The following WDR70 variants were observed in gnomAD, a reference collection of about 807,000 sequenced individuals.
The protein encoded by WDR70 is WD repeat-containing protein 70.
A neutral mutation model predicts 88.6 loss-of-function variants in WDR70; 53 were observed. The ratio of observed to expected loss-of-function variants is 0.60; its 90% CI spans 0.48 to 0.75. The LOEUF is 0.75. Among genes scored for constraint, WDR70 ranks in the 30% least tolerant of loss-of-function variants. The pLI is 0.00. For missense variants in WDR70, 610 were observed against 823.2 expected, an observed-to-expected ratio of 0.74 and a Z score of 3.17; for synonymous variants, 280 against 270.0, an observed-to-expected ratio of 1.04 and a Z score of -0.36.
intron 7 of WDR70, among the ~76,000 whole-genome samples, chr5:37,474,415 C>T (rs1402232471): frequency 2.6e-5 from 4 of 152,080 alleles, no homozygotes; most frequent in Admixed American, 6.5e-5. Context: ...TTGAAATCTC[C>T]GAGTGTGATT....
chr5:37,564,515 T>C (rs1742674136), intron 9 of WDR70, among the ~76,000 whole-genome samples: 1 of 134,870 alleles, frequency 7.4e-6, no homozygotes, highest in South Asian at 2.4e-4. Context: ...GGGGAGACCG[T>C]GGAAAGAGAG....
rs113200066 is a variant in WDR70 at position 37,726,975 on chromosome 5, C to T, written c.1807C>T (p.Arg603Trp). The T allele has an allele frequency of 1.2e-6, 2 of 1,611,370 alleles. No homozygotes were observed. The highest frequency in any genetic ancestry group is 1.7e-5 in the Admixed American group (1 of 59,602). The change falls in exon 17 of 18, where the codon CGG (arginine) becomes TGG (tryptophan). Residue 603 changes from arginine (R) to tryptophan (W), a missense_variant. By Grantham distance (101) the Arg-to-Trp change is moderately radical (BLOSUM62 -3). Transcript: ENST00000265107. Reference sequence around the variant, plus strand: ...GGACAAGACCGATGACAGTAATCCTCGGGAAGCCATTTTGCGTCATGCCAA... The same window carrying T: ...GGACAAGACCGATGACAGTAATCCTTGGGAAGCCATTTTGCGTCATGCCAA... The part of the protein sequence containing the change: ...ALDKTDDSNP[R>W]EAILRHAKAA...
At position 37,578,105 on chromosome 5, in the gene WDR70, GT is replaced by G. The variant is rs1743111464; in HGVS notation, c.918-26958del. On this transcript the variant is annotated intron_variant, in intron 9 of 17. Transcript: ENST00000265107. ...TGTATTTGGCAGCCAGGCAGTCATT[GT>G]GGTCTCTCTCAGAATATAGTTTCAG... 2.0e-5 allele frequency among the ~76,000 whole-genome samples: 3 copies of G among 152,210 alleles called. No homozygotes were observed. The South Asian group carries it at 6.2e-4, about 32-fold the overall frequency.
At chr5:37,431,173 A>G (rs1256497506) in intron 5 of WDR70, among the ~76,000 whole-genome samples, 1 of 152,080 alleles carries the variant, frequency 6.6e-6, no homozygotes, top group Non-Finnish European at 1.5e-5. Context: ...TAAAGTTCTG[A>G]CTGTCATCGG....
At chr5:37,604,395 T>C (rs1446244617) in intron 9 of WDR70, among the ~76,000 whole-genome samples, 1 of 152,238 alleles carries the variant, frequency 6.6e-6, no homozygotes, top group Non-Finnish European at 1.5e-5. Flanking sequence ...TTTTTCTGTA[T>C]TTTAAGCTTT....
At chr5:37,628,024 A>G (rs1361712400) in intron 10 of WDR70, among the ~76,000 whole-genome samples, 3 of 152,176 alleles carry the variant, frequency 2.0e-5, no homozygotes, top group Non-Finnish European at 4.4e-5. Context: ...TCCTGGGCTC[A>G]AACGATACTC....
intron 10 of WDR70, among the ~76,000 whole-genome samples, chr5:37,688,490 C>T: frequency 6.6e-6 from 1 of 151,980 alleles, no homozygotes. Context: ...TTCATTTAGG[C>T]CAAATGAAGT....
intron 6 of WDR70, 130 bp downstream of exon 6, chr5:37,438,111 A>C (rs1354869245): frequency 1.6e-6 from 1 of 630,228 alleles, no homozygotes; most frequent in Non-Finnish European, 2.4e-6. Context: ...ATAGACATTA[A>C]GGAAAAATAG....
At chr5:37,696,137 C>T (rs566824117) in intron 10 of WDR70, among the ~76,000 whole-genome samples, 91 of 152,222 alleles carry the variant, frequency 6.0e-4, no homozygotes, top group African/African-American at 2.1e-3. Flanking sequence ...TATCTGGGCA[C>T]ATTTGTGTTT....
At chr5:37,447,408 A>G (rs1053303601) in intron 7 of WDR70, among the ~76,000 whole-genome samples, 4 of 152,160 alleles carry the variant, frequency 2.6e-5, no homozygotes, top group East Asian at 1.9e-4. Context: ...AACTAGAAAT[A>G]CCATTTGACC....
At chr5:37,613,649 C>T (rs1163363627) in intron 10 of WDR70, among the ~76,000 whole-genome samples, 1 of 152,136 alleles carries the variant, frequency 6.6e-6, no homozygotes, top group Non-Finnish European at 1.5e-5. Flanking sequence ...TTTGTCCTCT[C>T]CTCCTTCTCT....
intron 17 of WDR70, among the ~76,000 whole-genome samples, chr5:37,743,042 T>G (rs78780361): frequency 0.07 from 10,678 of 152,302 alleles, 408 homozygotes; most frequent in South Asian, 0.12. Context: ...GCAGCGGTGT[T>G]CAGAGGCTCC....
chr5:37,438,438 A>G (rs941716748), intron 6 of WDR70, among the ~76,000 whole-genome samples: 2 of 152,104 alleles, frequency 1.3e-5, no homozygotes, highest in Non-Finnish European at 2.9e-5. Flanking sequence ...TACAGATTGC[A>G]TGTTTATATT....
intron 5 of WDR70, among the ~76,000 whole-genome samples, chr5:37,411,444 G>C (rs1460274081): frequency 6.8e-6 from 1 of 147,060 alleles, no homozygotes; most frequent in Admixed American, 6.7e-5. Flanking sequence ...TTTTTTTTTT[G>C]GCCAGATGCA....
At chr5:37,478,487 C>G (rs1335461528) in intron 7 of WDR70, among the ~76,000 whole-genome samples, 1 of 152,170 alleles carries the variant, frequency 6.6e-6, no homozygotes, top group Admixed American at 6.5e-5. Flanking sequence ...CAAAAACACA[C>G]TTTGAAATGT....
chr5:37,488,234 CTT>C (rs950458601), intron 8 of WDR70, among the ~76,000 whole-genome samples: 64 of 151,152 alleles, frequency 4.2e-4, no homozygotes, highest in African/African-American at 1.5e-3. Flanking sequence ...AGAATTTCCT[CTT>C]TGTCTTTGAC....
chr5:37,532,251 T>C (rs1283461902), intron 9 of WDR70, among the ~76,000 whole-genome samples: 1 of 152,228 alleles, frequency 6.6e-6, no homozygotes, highest in Non-Finnish European at 1.5e-5. Flanking sequence ...AATGATCTTT[T>C]TGTGATGAGT....
intron 10 of WDR70, among the ~76,000 whole-genome samples, chr5:37,690,037 A>G (rs1279883151): frequency 6.6e-6 from 1 of 152,208 alleles, no homozygotes; most frequent in Non-Finnish European, 1.5e-5. Context: ...GGAGCTGAAA[A>G]CCATGGCACG....
intron 7 of WDR70, among the ~76,000 whole-genome samples, chr5:37,459,367 A>G (rs907572535): frequency 3.3e-5 from 5 of 150,738 alleles, no homozygotes; most frequent in Non-Finnish European, 5.9e-5. Flanking sequence ...GCTGAGTTCA[A>G]TTCCTGAAAT....
Sources: allele counts gnomAD v4.1 joint callset (sites outside exome capture counted in the v4.1 genomes callset), GRCh38; gene constraint gnomAD v4.1.1; transcripts MANE v1.5; gene names NCBI Gene and HGNC (gene_info 2026-07-23, HGNC 2026-07-21).